EPHA5: variants seen among roughly 807,000 people sequenced by gnomAD.
The protein encoded by EPHA5 is ephrin type-A receptor 5.
In EPHA5, 60 loss-of-function variants were observed where a neutral mutation model predicts 105.0. The ratio of observed to expected loss-of-function variants is 0.57; its 90% CI spans 0.46 to 0.71. The LOEUF (loss-of-function observed/expected upper bound fraction) is 0.71, where lower values mean the gene tolerates loss of function less well. Among genes scored for constraint, EPHA5 ranks in the 30% least tolerant of loss-of-function variants. The probability of loss-of-function intolerance (pLI) is 0.00; values close to 1 mark genes in which losing one functional copy is unlikely to be tolerated. For missense variants in EPHA5, 1,218 were observed against 1,274.7 expected (o/e 0.96, Z 0.68); for synonymous variants, 513 against 449.1 (o/e 1.14, Z -1.80).
chr4:65,365,529 G>A (rs1261351982), intron 10 of EPHA5, among the ~76,000 whole-genome samples: 3 of 149,350 alleles, frequency 2.0e-5, no homozygotes, highest in African/African-American at 7.3e-5. Context: ...TTCTTTTTCT[G>A]TCTACCGTAG....
At chr4:65,400,755 T>C (rs1721735811) in intron 8 of EPHA5, among the ~76,000 whole-genome samples, 1 of 152,152 alleles carries the variant, frequency 6.6e-6, no homozygotes, top group South Asian at 2.1e-4. Context: ...GCACTTTTTT[T>C]GTCTAAATAA....
intron 2 of EPHA5, among the ~76,000 whole-genome samples, chr4:65,639,527 T>C (rs1747453831): frequency 6.6e-6 from 1 of 152,204 alleles, no homozygotes; most frequent in Non-Finnish European, 1.5e-5. Flanking sequence ...TCTCCCTCTT[T>C]GGCTTTTGAC....
At chr4:65,591,664 A>G (rs554578351) in intron 3 of EPHA5, among the ~76,000 whole-genome samples, 1 of 152,164 alleles carries the variant, frequency 6.6e-6, no homozygotes, top group South Asian at 2.1e-4. Context: ...ACTGTAAGGA[A>G]GTACAGGGAC....
At chr4:65,651,088 T>C (rs1748568341) in intron 1 of EPHA5, among the ~76,000 whole-genome samples, 2 of 152,146 alleles carry the variant, frequency 1.3e-5, no homozygotes, top group Non-Finnish European at 2.9e-5. Flanking sequence ...AGGTAGAAAA[T>C]ATTAGTAAAG....
At chr4:65,433,818 C>A (rs1725223119) in intron 5 of EPHA5, among the ~76,000 whole-genome samples, 1 of 152,166 alleles carries the variant, frequency 6.6e-6, no homozygotes, top group African/African-American at 2.4e-5. Context: ...GTAACCCCAT[C>A]ATTTTGGGAG....
intron 5 of EPHA5, among the ~76,000 whole-genome samples, chr4:65,482,560 T>C (rs1730479422): frequency 6.6e-6 from 1 of 152,096 alleles, no homozygotes; most frequent in African/African-American, 2.4e-5. Context: ...AGGATATGAA[T>C]GGTAAAAAAC....
At chr4:65,604,370 C>T (rs1042436027) in intron 2 of EPHA5, among the ~76,000 whole-genome samples, 2 of 152,106 alleles carry the variant, frequency 1.3e-5, no homozygotes, top group African/African-American at 4.8e-5. Flanking sequence ...TGAATATTCT[C>T]AGTTAAGAAG....
chr4:65,354,846 G>A (rs1051317486), intron 11 of EPHA5, among the ~76,000 whole-genome samples: 12 of 151,864 alleles, frequency 7.9e-5, no homozygotes, highest in Middle Eastern at 3.4e-3. Flanking sequence ...TATAGGACAA[G>A]TAAGTCTAAT....
intron 3 of EPHA5, among the ~76,000 whole-genome samples, chr4:65,559,848 A>T (rs1224404260): frequency 6.6e-6 from 1 of 152,156 alleles, no homozygotes; most frequent in African/African-American, 2.4e-5. Flanking sequence ...TACATGGTTG[A>T]TTTCGGACAG....
intron 11 of EPHA5, among the ~76,000 whole-genome samples, chr4:65,353,852 T>G (rs1298486072): frequency 6.6e-6 from 1 of 151,894 alleles, no homozygotes; most frequent in South Asian, 2.1e-4. Context: ...TTAACCCCAC[T>G]TTTCTTTTCA....
At chr4:65,461,428 C>T (rs1257735604) in intron 5 of EPHA5, among the ~76,000 whole-genome samples, 1 of 151,958 alleles carries the variant, frequency 6.6e-6, no homozygotes, top group Non-Finnish European at 1.5e-5. Context: ...TTGCCGTTCT[C>T]TTAAAGGACT....
intron 16 of EPHA5, among the ~76,000 whole-genome samples, chr4:65,328,402 G>C (rs1370327354): frequency 6.6e-6 from 1 of 151,196 alleles, no homozygotes; most frequent in African/African-American, 2.4e-5. Context: ...GTAATAAAAA[G>C]TATATAGTTG....
chr4:65,341,652 C>G (rs1034410590), intron 14 of EPHA5, among the ~76,000 whole-genome samples: 5 of 151,424 alleles, frequency 3.3e-5, no homozygotes, highest in African/African-American at 9.7e-5. Context: ...TTACAATGAG[C>G]TATTTTGGAA....
Position 65,669,702 on chromosome 4 carries a change from G to C in EPHA5, c.41C>G (p.Pro14Arg), listed in dbSNP as rs1197560367. 1 of 1,296,744 alleles carries C rather than the reference G, an allele frequency of 7.7e-7. No individual in the cohort carries two copies. The highest frequency in any genetic ancestry group is 9.8e-7 in the Non-Finnish European group (1 of 1,019,884). 80.3% of individuals were successfully genotyped at this position (1,296,744 alleles called of 1,614,324 possible). ...GGGGGTGTCGCCGCCGCCGCTTGGG[G>C]GCCGCCGGCGTCCCGCACCCCGGGG... Reference protein sequence around the residue: ...SGPRGAGRRRPPSGGGDTPIT... With the variant: ...SGPRGAGRRRRPSGGGDTPIT... The change falls in exon 1 of 17, where the codon CCC becomes CGC. Residue 14 changes from proline to arginine, a missense_variant. Pro to Arg is a moderately radical substitution (Grantham distance 103, BLOSUM62 -2). This residue lies in a region of EPHA5 where 233 missense variants were observed against 227.5 expected (regional missense o/e 1.02). Coordinates refer to ENST00000613740, the MANE Select transcript of EPHA5 (RefSeq NM_001281766.3).
chr4:65,330,596 C>T, intron 16 of EPHA5: 1 of 484,166 alleles, frequency 2.1e-6, no homozygotes, highest in South Asian at 9.4e-5. Flanking sequence ...TACAAGTAAT[C>T]TGACATTGGG....
intron 3 of EPHA5, among the ~76,000 whole-genome samples, chr4:65,554,981 C>CAAAAAAAAAAAAAAAA (rs71205383): frequency 2.2e-5 from 2 of 92,620 alleles, no homozygotes; most frequent in African/African-American, 4.1e-5. Context: ...TATACAACAG[C>CAAAAAAAAAAAAAAAA]AAAAAAAAAA....
intron 5 of EPHA5, among the ~76,000 whole-genome samples, chr4:65,426,666 T>A (rs902680565): frequency 1.1e-4 from 17 of 152,300 alleles, no homozygotes; most frequent in Middle Eastern, 3.4e-3. Flanking sequence ...AAAGGATATA[T>A]AGCACATGGT....
intron 5 of EPHA5, among the ~76,000 whole-genome samples, chr4:65,464,819 T>C: frequency 6.6e-6 from 1 of 152,052 alleles, no homozygotes; most frequent in East Asian, 1.9e-4. Context: ...ATACTGAAGT[T>C]TTTTCTCATT....
intron 11 of EPHA5, among the ~76,000 whole-genome samples, chr4:65,364,510 T>C (rs1173069942): frequency 6.6e-6 from 1 of 151,654 alleles, no homozygotes; most frequent in Non-Finnish European, 1.5e-5. Flanking sequence ...CAACAAAAAT[T>C]CATTAAAAGG....
Sources: allele counts gnomAD v4.1 joint callset (sites outside exome capture counted in the v4.1 genomes callset), GRCh38; gene constraint gnomAD v4.1.1; regional missense constraint gnomAD v4.1.1; transcripts MANE v1.5; gene names NCBI Gene and HGNC (gene_info 2026-07-23, HGNC 2026-07-21).